Variants in GNA14 observed in about 807,000 individuals in gnomAD.
The protein encoded by GNA14 is guanine nucleotide-binding protein subunit alpha-14.
A neutral mutation model predicts 42.0 loss-of-function variants in GNA14; 50 were observed. That is an observed-to-expected ratio of 1.19 (90% CI 0.95 to 1.51). The LOEUF is 1.51. GNA14 is among the 40% of genes most tolerant of loss of function. The pLI is 0.00. For missense variants in GNA14, 473 were observed against 446.2 expected (o/e 1.06, Z -0.54); for synonymous variants, 173 against 163.1 (o/e 1.06, Z -0.46).
chr9:77,462,306 G>A (rs1204265822), intron 2 of GNA14, among the ~76,000 whole-genome samples: 3 of 152,158 alleles, frequency 2.0e-5, no homozygotes, highest in African/African-American at 7.2e-5. Flanking sequence ...GCAGGTTGCT[G>A]GAATACCAGT....
chr9:77,449,028 T>A (rs1835866448), intron 2 of GNA14, among the ~76,000 whole-genome samples: 1 of 152,220 alleles, frequency 6.6e-6, no homozygotes, highest in Admixed American at 6.5e-5. Flanking sequence ...GCATATACGA[T>A]AATGGTATGA....
chr9:77,626,011 CAT>C (rs1824007399), intron 1 of GNA14, among the ~76,000 whole-genome samples: 1 of 149,404 alleles, frequency 6.7e-6, no homozygotes, highest in South Asian at 2.1e-4. Context: ...CAAAGACACA[CAT>C]AGGCTCAAAA....
chr9:77,589,958 C>T (rs1024377731), intron 1 of GNA14, among the ~76,000 whole-genome samples: 7 of 152,062 alleles, frequency 4.6e-5, no homozygotes, highest in Admixed American at 1.3e-4. Context: ...GCTCTGTCAC[C>T]CAGGCTGGAG....
chr9:77,521,425 T>G (rs749561147), intron 2 of GNA14, among the ~76,000 whole-genome samples: 3 of 152,272 alleles, frequency 2.0e-5, no homozygotes, highest in African/African-American at 7.2e-5. Flanking sequence ...AAGTAGAACA[T>G]AAGAGGCTCT....
chr9:77,638,675 A>T (rs1244531356), intron 1 of GNA14, among the ~76,000 whole-genome samples: 1 of 152,268 alleles, frequency 6.6e-6, no homozygotes, highest in Non-Finnish European at 1.5e-5. Flanking sequence ...CATTTATTCC[A>T]AGTGTAAGTA....
chr9:77,564,123 T>C (rs1045481728), intron 1 of GNA14, among the ~76,000 whole-genome samples: 1 of 152,150 alleles, frequency 6.6e-6, no homozygotes, highest in African/African-American at 2.4e-5. Flanking sequence ...CGGATCCTTA[T>C]CAAATTCTCT....
chr9:77,554,247 A>G (rs1443787183), intron 1 of GNA14, among the ~76,000 whole-genome samples: 1 of 152,244 alleles, frequency 6.6e-6, no homozygotes, highest in African/African-American at 2.4e-5. Context: ...ATTATTTTTA[A>G]GCTTGCACAC....
intron 2 of GNA14, among the ~76,000 whole-genome samples, chr9:77,434,746 A>G (rs990482980): frequency 6.6e-6 from 1 of 152,190 alleles, no homozygotes; most frequent in Non-Finnish European, 1.5e-5. Context: ...AGCCACCAGC[A>G]GCCCAAGACC....
At chr9:77,633,376 C>T (rs922762888) in intron 1 of GNA14, among the ~76,000 whole-genome samples, 1 of 151,936 alleles carries the variant, frequency 6.6e-6, no homozygotes, top group African/African-American at 2.4e-5. Context: ...GAGTCTGGCC[C>T]GTTGAAGATT....
At chr9:77,477,965 C>A (rs200372200) in intron 2 of GNA14, among the ~76,000 whole-genome samples, 3 of 148,300 alleles carry the variant, frequency 2.0e-5, no homozygotes, top group Admixed American at 1.3e-4. Context: ...AGTGTAATAG[C>A]GATCTGATGG....
intron 1 of GNA14, among the ~76,000 whole-genome samples, chr9:77,536,345 G>T (rs529795390): frequency 5.1e-4 from 77 of 150,686 alleles, no homozygotes; most frequent in Admixed American, 1.2e-3. Flanking sequence ...TTTTTGTTAG[G>T]TTTTTTTTGT....
At chr9:77,568,758 T>G (rs1025145339) in intron 1 of GNA14, among the ~76,000 whole-genome samples, 1 of 152,138 alleles carries the variant, frequency 6.6e-6, no homozygotes, top group Non-Finnish European at 1.5e-5. Context: ...GGGCACTCCC[T>G]GGGTTAGTCC....
At chr9:77,637,109 T>A (rs78487332) in intron 1 of GNA14, among the ~76,000 whole-genome samples, 1 of 152,122 alleles carries the variant, frequency 6.6e-6, no homozygotes, top group African/African-American at 2.4e-5. Context: ...AAACATACAT[T>A]TACTGGTGAT....
intron 1 of GNA14, among the ~76,000 whole-genome samples, chr9:77,586,682 T>A (rs1326601153): frequency 6.6e-6 from 1 of 152,214 alleles, no homozygotes; most frequent in Non-Finnish European, 1.5e-5. Context: ...GGTGTCTGAT[T>A]TACATAGGGC....
At chr9:77,521,897 A>G (rs566258954) in intron 2 of GNA14, among the ~76,000 whole-genome samples, 1 of 152,200 alleles carries the variant, frequency 6.6e-6, no homozygotes, top group South Asian at 2.1e-4. Context: ...CAATGGCGCG[A>G]TCTTGGCTCA....
intron 2 of GNA14, among the ~76,000 whole-genome samples, chr9:77,504,258 G>A (rs750583262): frequency 1.3e-5 from 2 of 151,780 alleles, no homozygotes; most frequent in South Asian, 2.1e-4. Context: ...TTATAAACGC[G>A]ATCTTTTTTT....
intron 1 of GNA14, among the ~76,000 whole-genome samples, chr9:77,621,522 C>T (rs13288161): frequency 0.26 from 39,004 of 151,840 alleles, 6,076 homozygotes; most frequent in African/African-American, 0.44. Context: ...GTTTAGTGTC[C>T]ACTCTTATCC....
chr9:77,546,196 G>C (rs537485113), intron 1 of GNA14, among the ~76,000 whole-genome samples: 1 of 120,070 alleles, frequency 8.3e-6, no homozygotes, highest in East Asian at 2.6e-4. Context: ...CAGCCTGGGT[G>C]ACAGAGCGAG....
intron 2 of GNA14, among the ~76,000 whole-genome samples, chr9:77,452,714 T>G (rs1471572947): frequency 6.6e-6 from 1 of 150,584 alleles, no homozygotes; most frequent in African/African-American, 2.5e-5. Context: ...TCTGAAAGTT[T>G]GTGTCTCTCC....
Sources: allele counts gnomAD v4.1 joint callset (sites outside exome capture counted in the v4.1 genomes callset), GRCh38; gene constraint gnomAD v4.1.1; transcripts MANE v1.5; gene names NCBI Gene and HGNC (gene_info 2026-07-23, HGNC 2026-07-21).